Variants in TTC6 observed in about 807,000 individuals in gnomAD.
The protein encoded by TTC6 is tetratricopeptide repeat protein 6.
A neutral mutation model predicts 210.4 loss-of-function variants in TTC6; 172 were observed. That is an observed-to-expected ratio of 0.82 (90% confidence interval 0.72 to 0.93). The LOEUF is 0.93. TTC6 is among the 40% of genes least tolerant of loss of function. The probability of loss-of-function intolerance (pLI) is 0.00; values close to 1 mark genes in which losing one functional copy is unlikely to be tolerated. For synonymous variants in TTC6, 804 were observed against 819.6 expected (o/e 0.98, Z 0.32); for missense variants, 2,414 against 2,318.1 (o/e 1.04, Z -0.85).
chr14:37,765,598 T>G (rs2095996787), intron 14 of TTC6, among the ~76,000 whole-genome samples: 2 of 152,194 alleles, frequency 1.3e-5, no homozygotes, highest in African/African-American at 4.8e-5. Context: ...AGTACTGTGC[T>G]ACTGGCTTTT....
chr14:37,658,807 G>T (rs2139452776), intron 1 of TTC6, among the ~76,000 whole-genome samples: 1 of 152,292 alleles, frequency 6.6e-6, no homozygotes, highest in South Asian at 2.1e-4. Flanking sequence ...GGGTGCGTAT[G>T]CAGGTTCATT....
intron 3 of TTC6, among the ~76,000 whole-genome samples, chr14:37,694,735 A>G (rs1228189340): frequency 1.3e-5 from 2 of 152,114 alleles, no homozygotes; most frequent in Non-Finnish European, 2.9e-5. Context: ...ACGATGGAAT[A>G]CTATTCAGCC....
chr14:37,724,439 T>G (rs944545011), intron 6 of TTC6, among the ~76,000 whole-genome samples: 26 of 152,224 alleles, frequency 1.7e-4, no homozygotes, highest in African/African-American at 6.3e-4. Flanking sequence ...TCATAATTTT[T>G]GTGTTTTAGT....
chr14:37,777,549 C>G (rs979637520), intron 14 of TTC6, among the ~76,000 whole-genome samples: 1 of 152,112 alleles, frequency 6.6e-6, no homozygotes, highest in Non-Finnish European at 1.5e-5. Flanking sequence ...TCAAATTTCA[C>G]CTGAATCTCA....
At chr14:37,608,242 T>C (rs1489854244) in intron 2 of TTC6, among the ~76,000 whole-genome samples, 1 of 152,176 alleles carries the variant, frequency 6.6e-6, no homozygotes, top group Non-Finnish European at 1.5e-5. Flanking sequence ...GGTATTTTTA[T>C]TTATAGTTTC....
intron 16 of TTC6, 60 bp downstream of exon 18, chr14:37,790,897 T>C (rs1458103689): frequency 1.4e-6 from 2 of 1,426,044 alleles, no homozygotes; most frequent in Non-Finnish European, 1.9e-6. Flanking sequence ...AAACCTGAAA[T>C]GGGAGAAAAA....
intron 12 of TTC6, among the ~76,000 whole-genome samples, chr14:37,750,414 G>C (rs1408607011): frequency 6.8e-6 from 1 of 147,876 alleles, no homozygotes; most frequent in African/African-American, 2.5e-5. Flanking sequence ...AGTCCATTAA[G>C]TTTTGTGTCA....
intron 29 of TTC6, among the ~76,000 whole-genome samples, chr14:37,833,054 C>CAA (rs35167770): frequency 0.84 from 110,143 of 131,630 alleles, 47,124 homozygotes; most frequent in Non-Finnish European, 0.92. Context: ...GAGACTCCAT[C>CAA]AAAAAAAAAA....
intron 26 of TTC6, among the ~76,000 whole-genome samples, chr14:37,819,566 T>C (rs373221270): frequency 6.6e-6 from 1 of 152,212 alleles, no homozygotes; most frequent in African/African-American, 2.4e-5. Flanking sequence ...ACGAGTGTTA[T>C]GGTAGAATTA....
chr14:37,630,285 G>A (rs931603642), intron 1 of TTC6, among the ~76,000 whole-genome samples: 1 of 152,082 alleles, frequency 6.6e-6, no homozygotes, highest in African/African-American at 2.4e-5. Flanking sequence ...TTGTGTCTTT[G>A]TTCTCATTAG....
chr14:37,606,854 T>C, intron 2 of TTC6, 112 bp downstream of exon 2: 3 of 879,288 alleles, frequency 3.4e-6, no homozygotes, highest in Middle Eastern at 5.8e-4. Context: ...CCAGGATTTC[T>C]GTGGTGGCTG....
chr14:37,751,919 A>G (rs528322111), intron 13 of TTC6, among the ~76,000 whole-genome samples: 9 of 140,592 alleles, frequency 6.4e-5, no homozygotes, highest in Non-Finnish European at 9.0e-5. Context: ...TGCCTCCGGG[A>G]TTCACGCCAT....
chr14:37,738,630 A>G, intron 9 of TTC6, 146 bp from the exon 12 acceptor site: 3 of 717,904 alleles, frequency 4.2e-6, no homozygotes, highest in Non-Finnish European at 6.2e-6. Context: ...CTGACTTTTG[A>G]ATAATTTTAA....
In TTC6 at chr14:37,826,356, C is replaced by T. The variant is rs202101753; in HGVS notation, c.5127+9C>T. 7.4e-5 allele frequency: 117 copies of T among 1,586,670 alleles called. No individual in the cohort carries two copies. The highest frequency in any genetic ancestry group is 9.6e-5 in the Non-Finnish European group (112 of 1,169,298). On this transcript the variant is annotated intron_variant, in intron 28 of 30. Transcript: ENST00000553443. ...TTAATGCTGCCATGAAGGTAAAAAC[C>T]ATCTTAGATTATATTATTATTAGCA...
At chr14:37,774,796 G>T (rs1055583034) in intron 14 of TTC6, among the ~76,000 whole-genome samples, 5 of 152,056 alleles carry the variant, frequency 3.3e-5, no homozygotes, top group African/African-American at 1.2e-4. Context: ...TTTTTGTAAT[G>T]GTTTCAGTAG....
chr14:37,737,580 T>C, intron 8 of TTC6, 80 bp from the exon 11 acceptor site: 2 of 742,384 alleles, frequency 2.7e-6, no homozygotes, highest in Non-Finnish European at 4.2e-6. Context: ...CCTAAACAGT[T>C]ATTAGCCAAG....
chr14:37,686,096 G>A (rs1402904585), intron 3 of TTC6, among the ~76,000 whole-genome samples: 1 of 151,966 alleles, frequency 6.6e-6, no homozygotes, highest in Non-Finnish European at 1.5e-5. Flanking sequence ...AGTCTCGTGG[G>A]AAGAGCACAG....
At chr14:37,674,767 C>A (rs907917143) in intron 1 of TTC6, among the ~76,000 whole-genome samples, 2 of 152,144 alleles carry the variant, frequency 1.3e-5, no homozygotes, top group African/African-American at 4.8e-5. Context: ...TTTTTACTCT[C>A]ACCTGTTACC....
chr14:37,728,265 T>G (rs2095877782), intron 7 of TTC6, among the ~76,000 whole-genome samples: 1 of 152,168 alleles, frequency 6.6e-6, no homozygotes, highest in African/African-American at 2.4e-5. Context: ...GGATTTTCAA[T>G]GAAGTTATGC....
Sources: allele counts gnomAD v4.1 joint callset (sites outside exome capture counted in the v4.1 genomes callset), GRCh38; gene constraint gnomAD v4.1.1; transcripts MANE v1.5; gene names NCBI Gene and HGNC (gene_info 2026-07-23, HGNC 2026-07-21).